The following LPCAT1 variants were observed in gnomAD, a reference collection of about 807,000 sequenced individuals.
The protein encoded by LPCAT1 is lysophosphatidylcholine acyltransferase 1, also known as 1-acylglycerol-3-phosphate O-acyltransferase.
Under a neutral mutation model 60.9 loss-of-function variants are expected in LPCAT1, and 23 were observed. The observed-to-expected ratio is 0.38, with a 90% CI of 0.27 to 0.53. The LOEUF is 0.53. LPCAT1 is among the 20% of genes least tolerant of loss of function. The pLI is 0.82. For synonymous variants in LPCAT1, 340 were observed against 301.1 expected (o/e 1.13, Z -1.34); for missense variants, 622 against 723.6 (o/e 0.86, Z 1.61).
At chr5:1,494,436 CG>C (rs1735703323) in intron 3 of LPCAT1, among the ~76,000 whole-genome samples, 1 of 151,348 alleles carries the variant, frequency 6.6e-6, no homozygotes, top group East Asian at 1.9e-4. Flanking sequence ...CCCTCACTCC[CG>C]GTAGGGAGGG....
intron 2 of LPCAT1, among the ~76,000 whole-genome samples, chr5:1,500,153 AT>A (rs1345778076): frequency 6.6e-6 from 1 of 152,260 alleles, no homozygotes; most frequent in Non-Finnish European, 1.5e-5. Flanking sequence ...AACTACTAAT[AT>A]TCCTGTTTCT....
chr5:1,464,797 CACA>C (rs1560943820), intron 13 of LPCAT1, among the ~76,000 whole-genome samples: 1 of 150,624 alleles, frequency 6.6e-6, no homozygotes, highest in East Asian at 2.0e-4. Context: ...CGCGCACACA[CACA>C]AAACAAGCAC....
At chr5:1,492,465 T>C (rs545044953) in intron 3 of LPCAT1, among the ~76,000 whole-genome samples, 9 of 152,224 alleles carry the variant, frequency 5.9e-5, no homozygotes, top group Non-Finnish European at 1.0e-4. Context: ...CCCAGGACAA[T>C]GGCCCTTTCA....
Position 1,463,672 on chromosome 5 carries a change from A to G in LPCAT1, c.1584T>C (p.Pro528=). 2.5e-6 allele frequency: 4 copies of G among 1,614,234 alleles called. No homozygotes were observed. The South Asian group carries it at 4.4e-5, about 18-fold the overall frequency. The part of the protein sequence containing the change: ...SPENSDAGRK[P]VRKKLD ...GGTCCTAATCCAGCTTCTTGCGAAC[A>G]GGCTTCCGCCCAGCGTCTGAGTTTT... Residue 528 remains proline (P), a synonymous_variant, in exon 14 of 14, where the codon CCT becomes CCC. Coordinates refer to ENST00000283415, the MANE Select transcript of LPCAT1 (RefSeq NM_024830.5).
At chr5:1,516,682 C>G (rs1340704896) in intron 1 of LPCAT1, among the ~76,000 whole-genome samples, 1 of 151,760 alleles carries the variant, frequency 6.6e-6, no homozygotes, top group Non-Finnish European at 1.5e-5. Flanking sequence ...GAGGAAATAA[C>G]TCACTCCTCT....
intron 13 of LPCAT1, among the ~76,000 whole-genome samples, chr5:1,465,199 T>C (rs1016433837): frequency 1.1e-4 from 13 of 118,884 alleles, no homozygotes; most frequent in African/African-American, 3.9e-4. Flanking sequence ...GCGCACACAG[T>C]AACTAAACAC....
At chr5:1,469,552 G>A (rs561886652) in intron 12 of LPCAT1, among the ~76,000 whole-genome samples, 1 of 152,164 alleles carries the variant, frequency 6.6e-6, no homozygotes, top group East Asian at 1.9e-4. Context: ...TGAGGTGGGC[G>A]GATCACTTGA....
At chr5:1,484,280 G>T (rs377142852) in intron 5 of LPCAT1, among the ~76,000 whole-genome samples, 1 of 152,276 alleles carries the variant, frequency 6.6e-6, no homozygotes, top group African/African-American at 2.4e-5. Flanking sequence ...CCCAGCAGCC[G>T]CTCCGCCTTC....
chr5:1,498,957 T>C (rs980635580), intron 2 of LPCAT1, among the ~76,000 whole-genome samples: 1 of 152,072 alleles, frequency 6.6e-6, no homozygotes, highest in Non-Finnish European at 1.5e-5. Flanking sequence ...TCTGCACACA[T>C]ACACAGAATG....
Position 1,477,530 on chromosome 5 carries a change from C to G in LPCAT1, c.817-44G>C, listed in dbSNP as rs202079531. The G allele has an allele frequency of 1.3e-3, 1,838 of 1,409,422 alleles. 1 individual carries two copies. Among genetic ancestry groups the G allele is most frequent in the Non-Finnish European group, 1.7e-3 (1,696 of 1,000,980 alleles). The allele number at this position is 1,409,422 out of a possible 1,614,324, so 87.3% of individuals were successfully genotyped here. A position where few individuals can be genotyped will look rare whatever the true frequency, so the allele number is the denominator to read the frequency against. ...TGCGTTAGTATCACAAGACGCTGAC[C>G]TCAGCAACACCACTGTAACGACAAC... On this transcript the variant is annotated intron_variant, in intron 8 of 13. Coordinates refer to ENST00000283415, the MANE Select transcript of LPCAT1 (RefSeq NM_024830.5). The surrounding 1 kb of genome is among the most constrained non-coding windows in gnomAD (Gnocchi z 6.0).
rs541553616 is a variant in LPCAT1 at position 1,496,151 on chromosome 5, A to T, written c.279-1237T>A. On this transcript the variant is annotated intron_variant, in intron 2 of 13. Transcript: ENST00000283415. This position sits in a 1 kb window ranked among gnomAD's most constrained non-coding sequence, Gnocchi z 4.7. ...CAAGGCAGGTGGATCACTTGAGGTC[A>T]GGAGCTCAAGACCAGCCTGGCCAAC... Among the ~76,000 whole-genome samples the T allele has an allele frequency of 4.6e-5, 7 of 152,314 alleles. No homozygotes were observed. In the East Asian group the frequency reaches 1.4e-3, roughly 29 times the overall value.
intron 6 of LPCAT1, among the ~76,000 whole-genome samples, chr5:1,482,862 C>T (rs375950370): frequency 1.8e-4 from 28 of 152,278 alleles, no homozygotes; most frequent in East Asian, 3.9e-4. Context: ...CTACCACCTT[C>T]GCCCCAGGAG....
rs541902142 is a variant in LPCAT1 at position 1,487,333 on chromosome 5, T to C, written c.667+1058A>G. On this transcript the variant is annotated intron_variant, in intron 5 of 13. Coordinates refer to ENST00000283415, the MANE Select transcript of LPCAT1 (RefSeq NM_024830.5). This position sits in a 1 kb window ranked among gnomAD's most constrained non-coding sequence, Gnocchi z 6.1. ...CCGCCTCCACCCTCTGCATCTCTGG[T>C]TCTGATCAGAATGACTCAGAACCAC... 6.6e-6 allele frequency among the ~76,000 whole-genome samples: 1 copy of C among 152,272 alleles called. No homozygotes were observed. The highest frequency in any genetic ancestry group is 1.9e-4 in the East Asian group (1 of 5,176).
intron 5 of LPCAT1, among the ~76,000 whole-genome samples, chr5:1,486,628 G>C (rs116546718): frequency 0.013 from 1,979 of 152,262 alleles, 52 homozygotes; most frequent in African/African-American, 0.046. Context: ...CTCAAGGCGG[G>C]AGACGCTCAC....
chr5:1,462,732 T>C lies in LPCAT1; in HGVS notation c.*919A>G, dbSNP rs1315075452. ...GCGGCGGCTGCCTTGCGCTTCCAGCTCGGGCCCTGCTCATTTGAACAATAT... is the reference window on the plus strand; with the variant it reads ...GCGGCGGCTGCCTTGCGCTTCCAGCCCGGGCCCTGCTCATTTGAACAATAT... On this transcript the variant is annotated 3_prime_UTR_variant, in exon 14 of 14. Coordinates refer to ENST00000283415, the MANE Select transcript of LPCAT1 (RefSeq NM_024830.5). 1.3e-5 allele frequency: 2 copies of C among 152,226 alleles called. No individual in the cohort carries two copies. Among genetic ancestry groups the C allele is most frequent in the African/African-American group, 4.8e-5 (2 of 41,440 alleles). 9.4% of individuals were successfully genotyped at this position (152,226 alleles called of 1,614,324 possible). A position where few individuals can be genotyped will look rare whatever the true frequency, so the allele number is the denominator to read the frequency against.
chr5:1,465,539 C>T (rs924108317), intron 13 of LPCAT1, among the ~76,000 whole-genome samples: 4 of 151,018 alleles, frequency 2.6e-5, no homozygotes, highest in Admixed American at 6.6e-5. Flanking sequence ...AGCACACGCA[C>T]ACAGCAACTA....
In LPCAT1 at chr5:1,505,250, A is replaced by G. The variant is rs192672808; in HGVS notation, c.136-3647T>C. 1.0e-3 allele frequency among the ~76,000 whole-genome samples: 151 copies of G among 151,700 alleles called. 2 individuals are homozygous for G. The South Asian group carries it at 0.021, about 21-fold the overall frequency. ...AACTGCTTCCACCAGAGTGCGGAAT[A>G]AAATCACAGTAACCCACGCTGTTCC... On this transcript the variant is annotated intron_variant, in intron 1 of 13. Coordinates refer to ENST00000283415, the MANE Select transcript of LPCAT1 (RefSeq NM_024830.5).
At position 1,483,807 on chromosome 5, in the gene LPCAT1, C is replaced by T. The variant is rs147562740; in HGVS notation, c.668-321G>A. 3.0e-3 allele frequency among the ~76,000 whole-genome samples: 438 copies of T among 148,468 alleles called. No homozygotes were observed. Among genetic ancestry groups the T allele is most frequent in the Non-Finnish European group, 4.8e-3 (324 of 67,372 alleles). On this transcript the variant is annotated intron_variant, in intron 5 of 13. Coordinates refer to ENST00000283415, the MANE Select transcript of LPCAT1 (RefSeq NM_024830.5). The surrounding 1 kb of genome is among the most constrained non-coding windows in gnomAD (Gnocchi z 9.2). ...CATTGCGCACGAGCTGGAAGACATC[C>T]GTGGAGGGACACTTTCTGCTGTAAC...
chr5:1,487,770 C>CT lies in LPCAT1; in HGVS notation c.667+620dup, dbSNP rs1457870695. 6.6e-6 allele frequency among the ~76,000 whole-genome samples: 1 copy of CT among 152,168 alleles called. No homozygotes were observed. The highest frequency in any genetic ancestry group is 2.4e-5 in the African/African-American group (1 of 41,424). On this transcript the variant is annotated intron_variant, in intron 5 of 13. Transcript: ENST00000283415. This position sits in a 1 kb window ranked among gnomAD's most constrained non-coding sequence, Gnocchi z 6.1. ...AGACGACAGGATCCAGGTGGACCCTCTGACACGCCCAAGGGTGTGCAGAAT... is the reference window on the plus strand; with the variant it reads ...AGACGACAGGATCCAGGTGGACCCTCTTGACACGCCCAAGGGTGTGCAGAAT...
Sources: gnomAD v4.1 joint callset for allele counts (sites outside exome capture counted in the v4.1 genomes callset) on GRCh38, gnomAD v4.1.1 for gene constraint, Gnocchi (gnomAD v3.1) non-coding constraint, MANE v1.5 for transcripts, NCBI Gene and HGNC (gene_info 2026-07-23, HGNC 2026-07-21) for gene names.